SLC15A5: variants seen among roughly 807,000 people sequenced by gnomAD.
SLC15A5 encodes the protein Peptide/histidine transporter ENSP00000340402.
A neutral mutation model predicts 56.1 loss-of-function variants in SLC15A5; 58 were observed. The ratio of observed to expected loss-of-function variants is 1.03; its 90% CI spans 0.84 to 1.29. The LOEUF (loss-of-function observed/expected upper bound fraction) is 1.29. Ranked by LOEUF, SLC15A5 falls within the 50% of genes most tolerant of loss-of-function variation. SLC15A5 has a pLI of 0.00. For synonymous variants in SLC15A5, 264 were observed against 250.5 expected (o/e 1.05, Z -0.51); for missense variants, 681 against 672.1 (o/e 1.01, Z -0.15).
chr12:16,248,313 G>C lies in SLC15A5; in HGVS notation c.755-3513C>G, dbSNP rs147415422. ...TATTAGATGGCATTAAAAGCCATGA[G>C]TCCAGAGATTAGTTAAGGAAAGAGG... On this transcript the variant is annotated intron_variant, in intron 3 of 8. Coordinates refer to ENST00000344941, the MANE Select transcript of SLC15A5 (RefSeq NM_001170798.1). Among the ~76,000 whole-genome samples, 559 of 152,166 alleles carry C rather than the reference G, an allele frequency of 3.7e-3. 4 individuals are homozygous for C. The highest frequency in any genetic ancestry group is 0.012 in the African/African-American group (509 of 41,540).
chr12:16,275,005 A>G (rs1433782915), intron 1 of SLC15A5, among the ~76,000 whole-genome samples: 2 of 152,078 alleles, frequency 1.3e-5, no homozygotes, highest in African/African-American at 2.4e-5. Context: ...GTAGCTCTGT[A>G]GAAGCACCAT....
intron 7 of SLC15A5, among the ~76,000 whole-genome samples, chr12:16,198,225 G>GCTAGACT (rs1863915058): frequency 6.6e-6 from 1 of 152,138 alleles, no homozygotes; most frequent in African/African-American, 2.4e-5. Flanking sequence ...AGATGTATTT[G>GCTAGACT]TTCATTTGAA....
intron 5 of SLC15A5, among the ~76,000 whole-genome samples, chr12:16,231,012 G>A (rs971095245): frequency 1.3e-5 from 2 of 151,934 alleles, no homozygotes; most frequent in South Asian, 2.1e-4. Flanking sequence ...TAATTAAATA[G>A]TCTCCACCAG....
rs1863819485 is a variant in SLC15A5 at position 16,189,479 on chromosome 12, A to G, written c.*189T>C. 1 of 416,012 alleles carries G rather than the reference A, an allele frequency of 2.4e-6. No individual in the cohort carries two copies. Among genetic ancestry groups the G allele is most frequent in the Non-Finnish European group, 4.1e-6 (1 of 246,622 alleles). 25.8% of individuals were successfully genotyped at this position (416,012 alleles called of 1,614,324 possible). On this transcript the variant is annotated 3_prime_UTR_variant, in exon 9 of 9. Transcript: ENST00000344941. ...ATTTTATTAATTCTAATGCTATAAC[A>G]TGTTAATGCAAAAGCATGACAGTTT...
intron 2 of SLC15A5, among the ~76,000 whole-genome samples, chr12:16,264,646 A>C (rs1408874001): frequency 6.6e-6 from 1 of 152,158 alleles, no homozygotes; most frequent in East Asian, 1.9e-4. Flanking sequence ...TATTTTCCAC[A>C]TGTTGTGGGA....
At chr12:16,212,980 A>G (rs1200719576) in intron 7 of SLC15A5, among the ~76,000 whole-genome samples, 1 of 152,192 alleles carries the variant, frequency 6.6e-6, no homozygotes, top group Non-Finnish European at 1.5e-5. Flanking sequence ...ATTGACCATA[A>G]GCAGGATGCA....
chr12:16,193,780 G>GGAGCAAGA (rs763515940), intron 8 of SLC15A5, among the ~76,000 whole-genome samples: 1 of 75,692 alleles, frequency 1.3e-5, no homozygotes, highest in African/African-American at 5.1e-5. Flanking sequence ...TATGTCAAGG[G>GGAGCAAGA]GAGAGAGAGA....
chr12:16,192,783 G>A (rs551270069), intron 8 of SLC15A5, among the ~76,000 whole-genome samples: 69 of 152,188 alleles, frequency 4.5e-4, no homozygotes, highest in African/African-American at 1.6e-3. Flanking sequence ...AGGAAGAAGA[G>A]AGCATATGGC....
chr12:16,245,569 T>C (rs1337601704), intron 3 of SLC15A5, among the ~76,000 whole-genome samples: 2 of 152,330 alleles, frequency 1.3e-5, no homozygotes, highest in East Asian at 3.9e-4. Context: ...GATTTCCTGA[T>C]ACAATGACAG....
intron 7 of SLC15A5, among the ~76,000 whole-genome samples, chr12:16,207,356 TCTA>T (rs1864030307): frequency 6.6e-6 from 1 of 152,240 alleles, no homozygotes; most frequent in African/African-American, 2.4e-5. Context: ...CATTTGCAAC[TCTA>T]CTAATAGCGT....
intron 7 of SLC15A5, among the ~76,000 whole-genome samples, chr12:16,206,583 C>T (rs1864021950): frequency 6.6e-6 from 1 of 152,050 alleles, no homozygotes; most frequent in Non-Finnish European, 1.5e-5. Context: ...AAACAAGAAA[C>T]AAAGGCACAG....
intron 3 of SLC15A5, among the ~76,000 whole-genome samples, chr12:16,254,134 T>C (rs2136802798): frequency 6.6e-6 from 1 of 152,168 alleles, no homozygotes; most frequent in South Asian, 2.1e-4. Flanking sequence ...GGTATATCCA[T>C]GTTGTAGCAT....
chr12:16,235,754 A>C lies in SLC15A5; in HGVS notation c.1162+3927T>G, dbSNP rs1864347051. Among the ~76,000 whole-genome samples, 1 of 152,168 alleles carries C rather than the reference A, an allele frequency of 6.6e-6. No individual in the cohort carries two copies. The highest frequency in any genetic ancestry group is 6.5e-5 in the Admixed American group (1 of 15,270). The stretch of plus-strand genomic sequence containing the variant: ...ATCAGTTTGAAAGCTGTATCAAAAA[A>C]GAATTTTCCCTGAGATAATTGTACT... On this transcript the variant is annotated intron_variant, in intron 5 of 8. Coordinates refer to ENST00000344941, the MANE Select transcript of SLC15A5 (RefSeq NM_001170798.1). The surrounding 1 kb of genome is among the most constrained non-coding windows in gnomAD (Gnocchi z 4.1).
At chr12:16,211,934 C>G (rs967716982) in intron 7 of SLC15A5, among the ~76,000 whole-genome samples, 2 of 152,144 alleles carry the variant, frequency 1.3e-5, no homozygotes, top group South Asian at 2.1e-4. Context: ...CTAAAAATGA[C>G]TAATGCAGCT....
At chr12:16,229,521 C>G (rs1169477670) in intron 5 of SLC15A5, among the ~76,000 whole-genome samples, 1 of 151,890 alleles carries the variant, frequency 6.6e-6, no homozygotes, top group African/African-American at 2.4e-5. Flanking sequence ...TTAGTGTGTT[C>G]ATTTTTACCA....
rs374420107 is a variant in SLC15A5 at position 16,245,922 on chromosome 12, A to C, written c.755-1122T>G. On this transcript the variant is annotated intron_variant, in intron 3 of 8. Transcript: ENST00000344941. Reference sequence around the variant, plus strand: ...TGTATTAATATATTTTTATAGCTATAAAGTGGTTAGATTGATTTGATCTGG... The same window carrying C: ...TGTATTAATATATTTTTATAGCTATCAAGTGGTTAGATTGATTTGATCTGG... Among the ~76,000 whole-genome samples, 143 of 152,298 alleles carry C rather than the reference A, an allele frequency of 9.4e-4. No individual in the cohort carries two copies. The Middle Eastern group carries it at 0.027, about 29-fold the overall frequency.
chr12:16,241,990 T>C (rs1864418512), intron 4 of SLC15A5, among the ~76,000 whole-genome samples: 1 of 152,224 alleles, frequency 6.6e-6, no homozygotes. Context: ...TAAATACTTT[T>C]ATTTCATCCA....
chr12:16,234,869 T>C (rs1263388340), intron 5 of SLC15A5, among the ~76,000 whole-genome samples: 1 of 152,202 alleles, frequency 6.6e-6, no homozygotes, highest in Non-Finnish European at 1.5e-5. Context: ...GGTATTGGTA[T>C]AAGATTCTTT....
chr12:16,229,514 G>T (rs1311231505), intron 5 of SLC15A5, among the ~76,000 whole-genome samples: 1 of 151,562 alleles, frequency 6.6e-6, no homozygotes, highest in African/African-American at 2.4e-5. Context: ...AATATTTTTA[G>T]TGTGTTCATT....
Sources: gnomAD v4.1 joint callset for allele counts (sites outside exome capture counted in the v4.1 genomes callset) on GRCh38, gnomAD v4.1.1 for gene constraint, Gnocchi (gnomAD v3.1) non-coding constraint, MANE v1.5 for transcripts, NCBI Gene and HGNC (gene_info 2026-07-23, HGNC 2026-07-21) for gene names.